SEL1L2: variants seen among roughly 807,000 people sequenced by gnomAD.
SEL1L2 encodes the protein SEL1L2 adaptor subunit of SYVN1 ubiquitin ligase.
SEL1L2 carries 89 observed loss-of-function variants against 98.8 expected under a neutral mutation model. The observed-to-expected ratio is 0.90, with a 90% CI of 0.76 to 1.07. SEL1L2 has a LOEUF of 1.07. SEL1L2 is among the 50% of genes least tolerant of loss of function. The probability of loss-of-function intolerance (pLI) is 0.00; values close to 1 mark genes in which losing one functional copy is unlikely to be tolerated. For missense variants in SEL1L2, 788 were observed against 812.0 expected, an observed-to-expected ratio of 0.97 and a Z score of 0.36; for synonymous variants, 262 against 278.5, an observed-to-expected ratio of 0.94 and a Z score of 0.59.
intron 13 of SEL1L2, 62 bp downstream of exon 13, chr20:13,870,079 G>T: frequency 1.7e-6 from 2 of 1,177,338 alleles, no homozygotes; most frequent in South Asian, 1.3e-5. Flanking sequence ...ACTAATGAAT[G>T]ACCATGAATT....
chr20:13,883,993 A>G (rs1211314605), intron 10 of SEL1L2, among the ~76,000 whole-genome samples: 1 of 152,178 alleles, frequency 6.6e-6, no homozygotes, highest in Non-Finnish European at 1.5e-5. Context: ...AAATCTATGG[A>G]TCTTCAACCG....
chr20:13,967,332 C>T (rs1333253738), intron 1 of SEL1L2, among the ~76,000 whole-genome samples: 4 of 152,216 alleles, frequency 2.6e-5, no homozygotes, highest in Non-Finnish European at 5.9e-5. Context: ...TTGCTCTGAT[C>T]ACTGCTCCTA....
At chr20:13,867,620 G>A (rs1161280168) in intron 14 of SEL1L2, among the ~76,000 whole-genome samples, 1 of 152,156 alleles carries the variant, frequency 6.6e-6, no homozygotes, top group Non-Finnish European at 1.5e-5. Flanking sequence ...CACAACATTG[G>A]CTTAGTTTGC....
At chr20:13,990,420 C>CTT in intron 1 of SEL1L2, 57 bp downstream of exon 1, 1 of 1,227,984 alleles carries the variant, frequency 8.1e-7, no homozygotes, top group South Asian at 1.2e-5. Context: ...GCCCTTGGCG[C>CTT]TGTTTGAGCA....
intron 3 of SEL1L2, among the ~76,000 whole-genome samples, chr20:13,921,228 A>C (rs1048823295): frequency 6.6e-6 from 1 of 152,180 alleles, no homozygotes; most frequent in Non-Finnish European, 1.5e-5. Context: ...GTTGGAGTGC[A>C]GTGGTGCAAT....
chr20:13,919,600 T>C (rs2048562168), intron 3 of SEL1L2, among the ~76,000 whole-genome samples: 1 of 152,110 alleles, frequency 6.6e-6, no homozygotes. Context: ...AGTGTGCACC[T>C]AGGAGAGGAG....
At chr20:13,955,212 A>G (rs957724713) in intron 2 of SEL1L2, among the ~76,000 whole-genome samples, 16 of 152,092 alleles carry the variant, frequency 1.1e-4, no homozygotes, top group African/African-American at 3.4e-4. Flanking sequence ...ATATAATAAA[A>G]TACTGTATGT....
chr20:13,896,641 GA>G (rs1214013523), intron 5 of SEL1L2, among the ~76,000 whole-genome samples: 1 of 151,276 alleles, frequency 6.6e-6, no homozygotes, highest in African/African-American at 2.4e-5. Flanking sequence ...AGGAAGAAAA[GA>G]AAACACTTCC....
intron 2 of SEL1L2, among the ~76,000 whole-genome samples, chr20:13,950,659 G>GT (rs1410389655): frequency 1.3e-5 from 2 of 152,180 alleles, no homozygotes; most frequent in African/African-American, 4.8e-5. Context: ...GCAAGAAGAT[G>GT]TAAGTAATGA....
intron 2 of SEL1L2, among the ~76,000 whole-genome samples, chr20:13,941,078 T>G (rs2049754437): frequency 1.3e-5 from 2 of 152,204 alleles, no homozygotes; most frequent in Non-Finnish European, 2.9e-5. Context: ...GCTAGCTTGC[T>G]TGCTTGAATA....
intron 2 of SEL1L2, among the ~76,000 whole-genome samples, chr20:13,936,041 T>A (rs2049436297): frequency 6.6e-6 from 1 of 152,234 alleles, no homozygotes; most frequent in African/African-American, 2.4e-5. Context: ...CCTGGGCCCA[T>A]CTATAGACTA....
chr20:13,884,349 T>C (rs896989986), intron 10 of SEL1L2, among the ~76,000 whole-genome samples: 2 of 152,124 alleles, frequency 1.3e-5, no homozygotes, highest in East Asian at 1.9e-4. Context: ...TCTGTGGTGA[T>C]GTAGGGCCTT....
intron 16 of SEL1L2, 30 bp from the exon 17 acceptor site, chr20:13,865,271 G>A (rs1396072790): frequency 6.2e-7 from 1 of 1,609,280 alleles, no homozygotes; most frequent in African/African-American, 1.3e-5. Flanking sequence ...CATTAGGAAG[G>A]CTTAAAATGC....
intron 5 of SEL1L2, among the ~76,000 whole-genome samples, chr20:13,908,100 GTTCTTTT>G (rs2048048726): frequency 1.6e-5 from 1 of 64,136 alleles, no homozygotes; most frequent in Non-Finnish European, 3.0e-5. Flanking sequence ...CAATTTCTTG[GTTCTTTT>G]TTTTTTTTTT....
chr20:13,888,645 T>TTTG (rs2047066586), intron 5 of SEL1L2, 133 bp from the exon 6 acceptor site: 1 of 494,082 alleles, frequency 2.0e-6, no homozygotes, highest in East Asian at 3.8e-5. Flanking sequence ...CTTTTTTTTT[T>TTTG]TTTTTTTTTT....
At chr20:13,879,148 G>A (rs1297832215) in intron 10 of SEL1L2, among the ~76,000 whole-genome samples, 2 of 152,176 alleles carry the variant, frequency 1.3e-5, no homozygotes, top group Non-Finnish European at 2.9e-5. Flanking sequence ...CCTCATGAAA[G>A]ATGGTGACAA....
chr20:13,977,484 G>T (rs971446169), intron 1 of SEL1L2, among the ~76,000 whole-genome samples: 5 of 152,164 alleles, frequency 3.3e-5, no homozygotes, highest in South Asian at 2.1e-4. Flanking sequence ...TTCAATTGAT[G>T]GGGGGATAGA....
At chr20:13,956,707 T>C in intron 1 of SEL1L2, among the ~76,000 whole-genome samples, 1 of 152,122 alleles carries the variant, frequency 6.6e-6, no homozygotes, top group Non-Finnish European at 1.5e-5. Flanking sequence ...AGACTATATA[T>C]ATATCATATA....
chr20:13,862,662 C>T (rs1338005961), intron 17 of SEL1L2, among the ~76,000 whole-genome samples: 1 of 151,648 alleles, frequency 6.6e-6, no homozygotes, highest in African/African-American at 2.4e-5. Context: ...ACAGCTAACA[C>T]TATAAAATTT....
Sources: allele counts gnomAD v4.1 joint callset (sites outside exome capture counted in the v4.1 genomes callset), GRCh38; gene constraint gnomAD v4.1.1; transcripts MANE v1.5; gene names NCBI Gene and HGNC (gene_info 2026-07-23, HGNC 2026-07-21).